Variants in BRINP3 observed in about 807,000 individuals in gnomAD.
The protein encoded by BRINP3 is BMP/retinoic acid-inducible neural-specific protein 3.
BRINP3 carries 19 observed loss-of-function variants against 71.0 expected under a neutral mutation model. The observed-to-expected ratio is 0.27, with a 90% CI of 0.19 to 0.39. The LOEUF (loss-of-function observed/expected upper bound fraction) is 0.39. Among genes scored for constraint, BRINP3 ranks in the 10% least tolerant of loss-of-function variants. The pLI is 1.00. For synonymous variants in BRINP3, 380 were observed against 337.7 expected (o/e 1.13, Z -1.37); for missense variants, 959 against 940.8 (o/e 1.02, Z -0.25).
At chr1:190,396,098 A>G (rs1158430060) in intron 2 of BRINP3, among the ~76,000 whole-genome samples, 1 of 151,924 alleles carries the variant, frequency 6.6e-6, no homozygotes, top group African/African-American at 2.4e-5. Context: ...CCTCCTAACA[A>G]AATTTGAAGG....
At chr1:190,453,201 GTATTTTTTTTTT>G (rs1327225411) in intron 2 of BRINP3, among the ~76,000 whole-genome samples, 4 of 37,856 alleles carry the variant, frequency 1.1e-4, no homozygotes, top group African/African-American at 1.6e-4. Context: ...AAAAACTTTA[GTATTTTTTTTTT>G]TTTTTTTTTT....
chr1:190,299,540 G>A (rs1223611231), intron 2 of BRINP3, among the ~76,000 whole-genome samples: 2 of 150,380 alleles, frequency 1.3e-5, no homozygotes, highest in African/African-American at 2.4e-5. Context: ...CCACTAACTC[G>A]TCATCTAGCA....
intron 2 of BRINP3, among the ~76,000 whole-genome samples, chr1:190,317,916 CAT>C (rs1268249722): frequency 2.6e-5 from 4 of 152,072 alleles, no homozygotes; most frequent in African/African-American, 9.7e-5. Context: ...TTATCTGTTA[CAT>C]GTTGATTTTC....
intron 2 of BRINP3, among the ~76,000 whole-genome samples, chr1:190,410,649 A>C (rs1672602522): frequency 6.6e-6 from 1 of 152,118 alleles, no homozygotes; most frequent in Non-Finnish European, 1.5e-5. Context: ...TAAGAAAAGA[A>C]GACTAAATCG....
chr1:190,462,165 G>T (rs189723105), intron 1 of BRINP3, among the ~76,000 whole-genome samples: 6 of 152,026 alleles, frequency 3.9e-5, no homozygotes, highest in Non-Finnish European at 8.8e-5. Context: ...ACTCATCTCA[G>T]TCTCCCAAAG....
At chr1:190,382,489 T>C (rs1670609328) in intron 2 of BRINP3, among the ~76,000 whole-genome samples, 2 of 152,168 alleles carry the variant, frequency 1.3e-5, no homozygotes, top group Admixed American at 6.6e-5. Flanking sequence ...GTATAAATTT[T>C]TGCAAAAGAT....
At chr1:190,249,962 A>C (rs1378723227) in intron 4 of BRINP3, among the ~76,000 whole-genome samples, 1 of 151,980 alleles carries the variant, frequency 6.6e-6, no homozygotes, top group Non-Finnish European at 1.5e-5. Context: ...GAAAGAAAAT[A>C]CAATTAAGGT....
chr1:190,149,418 A>G (rs1348258497), intron 7 of BRINP3, among the ~76,000 whole-genome samples: 2 of 152,344 alleles, frequency 1.3e-5, no homozygotes, highest in East Asian at 3.9e-4. Context: ...ATATTGATGA[A>G]TGATTTAATA....
At chr1:190,419,705 A>G (rs969411795) in intron 2 of BRINP3, among the ~76,000 whole-genome samples, 1 of 151,766 alleles carries the variant, frequency 6.6e-6, no homozygotes, top group African/African-American at 2.4e-5. Flanking sequence ...ACACACACAC[A>G]CACACACACA....
intron 7 of BRINP3, among the ~76,000 whole-genome samples, chr1:190,115,009 C>G (rs993129833): frequency 6.6e-6 from 1 of 152,096 alleles, no homozygotes; most frequent in Non-Finnish European, 1.5e-5. Flanking sequence ...TCATCCTTCC[C>G]TACTTTATTT....
chr1:190,164,019 A>G (rs1364511109), intron 6 of BRINP3, among the ~76,000 whole-genome samples: 1 of 152,142 alleles, frequency 6.6e-6, no homozygotes, highest in Non-Finnish European at 1.5e-5. Flanking sequence ...TTATGTATTT[A>G]TGTCTTTGGC....
intron 2 of BRINP3, among the ~76,000 whole-genome samples, chr1:190,409,269 A>G (rs530526478): frequency 6.6e-6 from 1 of 152,238 alleles, no homozygotes; most frequent in Non-Finnish European, 1.5e-5. Context: ...TAAATAATCA[A>G]AAAACTATCT....
chr1:190,350,007 T>C (rs1196352838), intron 2 of BRINP3, among the ~76,000 whole-genome samples: 1 of 152,004 alleles, frequency 6.6e-6, no homozygotes, highest in East Asian at 1.9e-4. Context: ...CTTTTAGGAA[T>C]AAAAGGAGAA....
chr1:190,335,518 A>C (rs973836472), intron 2 of BRINP3, among the ~76,000 whole-genome samples: 8 of 151,880 alleles, frequency 5.3e-5, no homozygotes, highest in African/African-American at 1.9e-4. Context: ...TGTTAAAGAA[A>C]ACATTGTTAA....
Position 190,454,677 on chromosome 1 carries a change from T to C in BRINP3, c.214A>G (p.Ser72Gly), listed in dbSNP as rs751883620. The part of the protein sequence containing the change: ...DFVDRSRQGF[S>G]TRYKIYREFG... ...TACCTGTATATCTTGTATCTTGTGCTAAATCCCTGCCGGCTTCTGTCCACA... is the reference window on the plus strand; with the variant it reads ...TACCTGTATATCTTGTATCTTGTGCCAAATCCCTGCCGGCTTCTGTCCACA... The change falls in exon 2 of 8, where the codon AGC becomes GGC. Residue 72 changes from serine (S) to glycine (G), a missense_variant. Coordinates refer to ENST00000367462, the MANE Select transcript of BRINP3 (RefSeq NM_199051.3). 2.5e-6 allele frequency: 4 copies of C among 1,614,102 alleles called. No homozygotes were observed. In the South Asian group the frequency reaches 3.3e-5, roughly 13 times the overall value.
At chr1:190,403,407 T>A (rs1231707451) in intron 2 of BRINP3, among the ~76,000 whole-genome samples, 1 of 152,206 alleles carries the variant, frequency 6.6e-6, no homozygotes, top group Non-Finnish European at 1.5e-5. Context: ...AGCCTCAGAT[T>A]TAGTTCCCAT....
chr1:190,162,068 A>G (rs1403141020), intron 6 of BRINP3, among the ~76,000 whole-genome samples: 1 of 152,196 alleles, frequency 6.6e-6, no homozygotes, highest in Non-Finnish European at 1.5e-5. Flanking sequence ...CTGAAAAAAG[A>G]AGGAAAACTA....
intron 2 of BRINP3, among the ~76,000 whole-genome samples, chr1:190,379,240 T>C (rs1401568107): frequency 6.6e-6 from 1 of 152,170 alleles, no homozygotes; most frequent in Admixed American, 6.5e-5. Flanking sequence ...TTCAGACATT[T>C]ATGAATTAAA....
rs777708418 is a variant in BRINP3 at position 190,098,983 on chromosome 1, C to T, written c.1336G>A (p.Ala446Thr). The T allele has an allele frequency of 2.5e-6, 4 of 1,614,134 alleles. No individual in the cohort carries two copies. Among genetic ancestry groups the T allele is most frequent in the East Asian group, 2.2e-5 (1 of 44,864 alleles). The change falls in exon 8 of 8, where the codon GCC (alanine) becomes ACC (threonine). Residue 446 changes from alanine to threonine, a missense_variant. Transcript: ENST00000367462. ...GGTGCGCATGTCAGGCAGGCAGAGG[C>T]GTCTCCCACTGTGCAGGGCAGGAAC... ...TAFLPCTVGD[A>T]SACLTCAPDN...
Sources: gnomAD v4.1 joint callset for allele counts (sites outside exome capture counted in the v4.1 genomes callset) on GRCh38, gnomAD v4.1.1 for gene constraint, MANE v1.5 for transcripts, NCBI Gene and HGNC (gene_info 2026-07-23, HGNC 2026-07-21) for gene names.